Variants in UBE3D observed in about 807,000 individuals in gnomAD.
UBE3D encodes ubiquitin protein ligase E3D.
A neutral mutation model predicts 49.6 loss-of-function variants in UBE3D; 48 were observed. The ratio of observed to expected loss-of-function variants is 0.97; its 90% CI spans 0.77 to 1.23. The LOEUF (loss-of-function observed/expected upper bound fraction) is 1.23. Ranked by LOEUF, UBE3D falls within the 50% of genes most tolerant of loss-of-function variation. The pLI is 0.00. For synonymous variants in UBE3D, 189 were observed against 174.2 expected (o/e 1.08, Z -0.67); for missense variants, 452 against 468.4 (o/e 0.96, Z 0.32).
At chr6:82,881,589 A>G in the UBE3D span, among the ~76,000 whole-genome samples, 1 of 152,214 alleles carries the variant, frequency 6.6e-6, no homozygotes, top group Admixed American at 6.5e-5. Context: ...GATGTCCAGC[A>G]CACTATTAGA....
intron 4 of UBE3D, among the ~76,000 whole-genome samples, chr6:83,040,654 C>G (rs974140052): frequency 6.6e-6 from 1 of 152,176 alleles, no homozygotes; most frequent in Non-Finnish European, 1.5e-5. Context: ...TGGACAGATT[C>G]TGCAGCCTTC....
intron 8 of UBE3D, among the ~76,000 whole-genome samples, chr6:83,014,954 G>A (rs777375991): frequency 3.9e-5 from 6 of 152,088 alleles, no homozygotes; most frequent in Non-Finnish European, 7.3e-5. Context: ...TAGGAACATC[G>A]TAATTAGCTA....
At chr6:82,890,242 T>G (rs1226508378), downstream of UBE3D, among the ~76,000 whole-genome samples, 1 of 152,176 alleles carries the variant, frequency 6.6e-6, no homozygotes, top group Admixed American at 6.5e-5. Flanking sequence ...TTTGTTTCTG[T>G]GCATGTGTCT....
chr6:82,943,064 A>T (rs1775132034), intron 9 of UBE3D, among the ~76,000 whole-genome samples: 1 of 152,254 alleles, frequency 6.6e-6, no homozygotes, highest in Non-Finnish European at 1.5e-5. Context: ...CTCTTGCCTC[A>T]GCATGACCTG....
chr6:82,924,896 T>C (rs768328180), intron 9 of UBE3D: 2 of 152,202 alleles, frequency 1.3e-5, no homozygotes, highest in Non-Finnish European at 2.9e-5. Flanking sequence ...TCCTAAGATA[T>C]GGAACCTCAT....
chr6:83,012,749 A>G (rs1332279526), intron 8 of UBE3D, among the ~76,000 whole-genome samples: 10 of 152,214 alleles, frequency 6.6e-5, no homozygotes, highest in African/African-American at 2.4e-4. Context: ...CATTGGCTAC[A>G]GCCCATGCAT....
intron 9 of UBE3D, among the ~76,000 whole-genome samples, chr6:82,939,467 T>C (rs1276175593): frequency 1.3e-5 from 2 of 152,242 alleles, no homozygotes; most frequent in Non-Finnish European, 1.5e-5. Flanking sequence ...CATAAGATTA[T>C]AATGGAGCTG....
chr6:82,885,256 C>G, the UBE3D span, among the ~76,000 whole-genome samples: 1 of 151,872 alleles, frequency 6.6e-6, no homozygotes, highest in Non-Finnish European at 1.5e-5. Context: ...AACAAAAGGT[C>G]TTTTCTTCTT....
intron 8 of UBE3D, among the ~76,000 whole-genome samples, chr6:82,981,728 G>C (rs1778133689): frequency 6.6e-6 from 1 of 151,958 alleles, no homozygotes; most frequent in African/African-American, 2.4e-5. Flanking sequence ...CTAAAGAATT[G>C]CCTTAGAAAA....
chr6:83,026,652 G>T (rs1209632052), intron 5 of UBE3D, among the ~76,000 whole-genome samples: 2 of 151,990 alleles, frequency 1.3e-5, no homozygotes, highest in Non-Finnish European at 2.9e-5. Context: ...TTACACGCAG[G>T]ACTAAACTAA....
In UBE3D at chr6:82,985,008, C is replaced by CCTTTTTTTTTTTTTTTTTTTTTTTTTT. The variant is rs1442501883; in HGVS notation, c.1011-27559_1011-27558insAAAAAAAAAAAAAAAAAAAAAAAAAAG. On this transcript the variant is annotated intron_variant, in intron 8 of 9. Coordinates refer to ENST00000369747, the MANE Select transcript of UBE3D (RefSeq NM_198920.3). ...AATTTTTTTCTTTCTTCTTCTTCTT[C>CCTTTTTTTTTTTTTTTTTTTTTTTTTT]TTTTTTTTTTTTTTTTTTTTTTTTG... Among the ~76,000 whole-genome samples the CCTTTTTTTTTTTTTTTTTTTTTTTTTT allele has an allele frequency of 3.8e-5, 2 of 52,998 alleles. 1 individual carries two copies. The highest frequency in any genetic ancestry group is 1.5e-4 in the African/African-American group (2 of 13,640). 34.8% of individuals were successfully genotyped at this position (52,998 alleles called of 152,430 possible).
At chr6:83,065,617 C>G (rs1160569349) in intron 1 of UBE3D, 25 bp downstream of exon 1, 1 of 1,612,992 alleles carries the variant, frequency 6.2e-7, no homozygotes, top group Non-Finnish European at 8.5e-7. Flanking sequence ...GAGCTGGGCA[C>G]TGCGCCTAGA....
At chr6:82,931,023 C>T (rs766248031) in intron 9 of UBE3D, among the ~76,000 whole-genome samples, 1 of 152,170 alleles carries the variant, frequency 6.6e-6, no homozygotes, top group Non-Finnish European at 1.5e-5. Context: ...CAGGGCTGCC[C>T]TGCTATGTGC....
intron 9 of UBE3D, among the ~76,000 whole-genome samples, chr6:82,946,205 T>A (rs1402447486): frequency 6.6e-6 from 1 of 152,020 alleles, no homozygotes. Context: ...CTCAGGGCAT[T>A]TAATAATCAA....
intron 5 of UBE3D, chr6:83,037,566 T>G (rs536625319): frequency 6.6e-6 from 1 of 152,276 alleles, no homozygotes; most frequent in South Asian, 2.1e-4. Flanking sequence ...ACAAGTAACT[T>G]CTTACAAGAT....
rs150717830 is a variant in UBE3D, at chr6:82,949,087, T to C, written c.1149+8225A>G. Among the ~76,000 whole-genome samples, 13 of 152,232 alleles carry C rather than the reference T, an allele frequency of 8.5e-5. No individual in the cohort carries two copies. In the East Asian group the frequency reaches 2.5e-3, roughly 29 times the overall value. ...AAGGAACAAATCAAGTTATCCTTGTTGGCAGATGATATGATCTTATATTTA... is the reference window on the plus strand; with the variant it reads ...AAGGAACAAATCAAGTTATCCTTGTCGGCAGATGATATGATCTTATATTTA... On this transcript the variant is annotated intron_variant, in intron 9 of 9. Transcript: ENST00000369747.
At chr6:82,900,349 G>A (rs1562064352) in intron 9 of UBE3D, among the ~76,000 whole-genome samples, 1 of 152,134 alleles carries the variant, frequency 6.6e-6, no homozygotes, top group African/African-American at 2.4e-5. Context: ...CTTACATTAA[G>A]GTTAAGAAGC....
intron 8 of UBE3D, among the ~76,000 whole-genome samples, chr6:82,980,118 G>A (rs910923391): frequency 6.6e-6 from 1 of 151,990 alleles, no homozygotes; most frequent in African/African-American, 2.4e-5. Context: ...CCCAGTAGTG[G>A]GATTGCTAGA....
intron 9 of UBE3D, among the ~76,000 whole-genome samples, chr6:82,929,702 T>C (rs1774006094): frequency 6.6e-6 from 1 of 152,154 alleles, no homozygotes; most frequent in Non-Finnish European, 1.5e-5. Flanking sequence ...TCTTTTTGCT[T>C]TTTTTCTTCT....
Sources: gnomAD v4.1 joint callset for allele counts (sites outside exome capture counted in the v4.1 genomes callset) on GRCh38, gnomAD v4.1.1 for gene constraint, MANE v1.5 for transcripts, NCBI Gene and HGNC (gene_info 2026-07-23, HGNC 2026-07-21) for gene names.